Variants in CNTN6 observed in about 807,000 individuals in gnomAD.
CNTN6 encodes contactin 6.
In CNTN6, 137 loss-of-function variants were observed where a neutral mutation model predicts 122.8. The ratio of observed to expected loss-of-function variants is 1.12; its 90% CI spans 0.97 to 1.29. CNTN6 has a LOEUF of 1.29. CNTN6 is among the 50% of genes most tolerant of loss of function. The pLI is 0.00. For synonymous variants in CNTN6, 570 were observed against 426.0 expected (o/e 1.34, Z -4.16); for missense variants, 1,634 against 1,223.4 (o/e 1.34, Z -5.01).
At position 1,374,001 on chromosome 3, in the gene CNTN6, G is replaced by T. The variant is rs1444575291; in HGVS notation, c.2023G>T (p.Val675Phe). 6.2e-7 allele frequency: 1 copy of T among 1,613,166 alleles called. No individual in the cohort carries two copies. Among genetic ancestry groups the T allele is most frequent in the Non-Finnish European group, 8.5e-7 (1 of 1,179,438 alleles). Residue 675 changes from valine to phenylalanine, a missense_variant, in exon 16 of 23, where the codon GTT becomes TTT. Val to Phe is a conservative substitution (Grantham distance 50). Transcript: ENST00000446702. ...LSPWVEYEFR[V>F]VAGNSIGIGE... Reference sequence around the variant, plus strand: ...TCCTTGGGTGGAATATGAATTTCGTGTTGTTGCCGGCAACAGCATTGGGAT... The same window carrying T: ...TCCTTGGGTGGAATATGAATTTCGTTTTGTTGCCGGCAACAGCATTGGGAT...
At chr3:1,123,866 A>T (rs1427117956) in intron 1 of CNTN6, among the ~76,000 whole-genome samples, 2 of 151,850 alleles carry the variant, frequency 1.3e-5, no homozygotes, top group Non-Finnish European at 2.9e-5. Context: ...TTGTAGTCCT[A>T]GTTTTCTGAA....
chr3:1,134,158 C>T (rs9839345), intron 1 of CNTN6, among the ~76,000 whole-genome samples: 22,173 of 152,070 alleles, frequency 0.15, 1,834 homozygotes, highest in African/African-American at 0.21. Flanking sequence ...GCTTTTGATC[C>T]GTTACTTGAA....
At chr3:1,240,588 G>C (rs1468806445) in intron 4 of CNTN6, among the ~76,000 whole-genome samples, 1 of 151,808 alleles carries the variant, frequency 6.6e-6, no homozygotes. Flanking sequence ...ATGTAAACTA[G>C]TACAATCACT....
intron 20 of CNTN6, among the ~76,000 whole-genome samples, chr3:1,388,436 A>G (rs1054195305): frequency 1.4e-4 from 21 of 151,484 alleles, no homozygotes; most frequent in African/African-American, 5.1e-4. Flanking sequence ...AAAGACCAAA[A>G]GTAGATAAAA....
chr3:1,244,843 G>C (rs2094538437), intron 4 of CNTN6, among the ~76,000 whole-genome samples: 1 of 151,104 alleles, frequency 6.6e-6, no homozygotes, highest in East Asian at 2.0e-4. Flanking sequence ...ACATTCTCAA[G>C]GGTGGGGAGA....
chr3:1,336,683 C>A (rs1046963521), intron 11 of CNTN6, among the ~76,000 whole-genome samples: 1 of 152,066 alleles, frequency 6.6e-6, no homozygotes, highest in Non-Finnish European at 1.5e-5. Flanking sequence ...AATGCATGTA[C>A]CTTGTGGGAA....
chr3:1,302,196 C>A (rs755340909), intron 7 of CNTN6, among the ~76,000 whole-genome samples: 1 of 152,070 alleles, frequency 6.6e-6, no homozygotes, highest in African/African-American at 2.4e-5. Flanking sequence ...AAATCATATT[C>A]TCTAACATCT....
chr3:1,279,588 A>G (rs747165654), intron 5 of CNTN6, among the ~76,000 whole-genome samples: 5 of 152,338 alleles, frequency 3.3e-5, no homozygotes, highest in South Asian at 2.1e-4. Flanking sequence ...AATGAAGCCA[A>G]TATTCAAATC....
At chr3:1,318,419 A>G (rs79729709) in intron 7 of CNTN6, among the ~76,000 whole-genome samples, 1,695 of 151,928 alleles carry the variant, frequency 0.011, 31 homozygotes, top group African/African-American at 0.039. Flanking sequence ...AGAAATACTT[A>G]AGGTTTCCTA....
chr3:1,398,287 T>C (rs573552375), intron 20 of CNTN6, among the ~76,000 whole-genome samples: 14 of 152,254 alleles, frequency 9.2e-5, no homozygotes, highest in African/African-American at 3.4e-4. Flanking sequence ...TAAAGCAGCT[T>C]TCAGAAGTTT....
At chr3:1,146,009 A>T (rs997497003) in intron 1 of CNTN6, among the ~76,000 whole-genome samples, 2 of 151,218 alleles carry the variant, frequency 1.3e-5, no homozygotes, top group African/African-American at 4.9e-5. Context: ...CAGAGATCCA[A>T]TTTTTTTTTA....
intron 5 of CNTN6, among the ~76,000 whole-genome samples, chr3:1,293,472 G>A (rs1194338626): frequency 2.6e-5 from 4 of 152,188 alleles, no homozygotes; most frequent in East Asian, 3.9e-4. Flanking sequence ...ATTTAGTAAG[G>A]TTAGTGAAGA....
intron 17 of CNTN6, among the ~76,000 whole-genome samples, chr3:1,381,587 A>C (rs1691900086): frequency 6.6e-6 from 1 of 152,118 alleles, no homozygotes; most frequent in South Asian, 2.1e-4. Context: ...AACCATCAAC[A>C]ACCCCTCTGC....
intron 2 of CNTN6, among the ~76,000 whole-genome samples, chr3:1,196,685 A>G (rs2093783166): frequency 6.6e-6 from 1 of 152,236 alleles, no homozygotes; most frequent in African/African-American, 2.4e-5. Flanking sequence ...TAAATGCTTC[A>G]TACTCAATAA....
chr3:1,176,654 A>G (rs966502535), intron 2 of CNTN6, among the ~76,000 whole-genome samples: 6 of 152,220 alleles, frequency 3.9e-5, no homozygotes, highest in East Asian at 3.9e-4. Context: ...TACAGGTATC[A>G]TAACAAGCAT....
chr3:1,167,231 C>T (rs1390650113), intron 2 of CNTN6, among the ~76,000 whole-genome samples: 1 of 152,068 alleles, frequency 6.6e-6, no homozygotes, highest in Non-Finnish European at 1.5e-5. Context: ...AGCTACTGAA[C>T]CCCTCTCTGT....
chr3:1,140,917 TATC>T (rs1295078315), intron 1 of CNTN6, among the ~76,000 whole-genome samples: 2 of 152,178 alleles, frequency 1.3e-5, no homozygotes, highest in Non-Finnish European at 2.9e-5. Flanking sequence ...GCATAACAAT[TATC>T]ATAAGTGATA....
chr3:1,357,651 A>G (rs1171978899), intron 12 of CNTN6, among the ~76,000 whole-genome samples: 1 of 151,914 alleles, frequency 6.6e-6, no homozygotes, highest in Non-Finnish European at 1.5e-5. Context: ...TAAAAAATGC[A>G]TGAGACAATT....
intron 12 of CNTN6, among the ~76,000 whole-genome samples, chr3:1,356,932 G>A (rs899173229): frequency 5.3e-5 from 8 of 151,836 alleles, no homozygotes; most frequent in Non-Finnish European, 7.4e-5. Context: ...AAGTAAAAAT[G>A]TAAAAACAAG....
Sources: gnomAD v4.1 joint callset for allele counts (sites outside exome capture counted in the v4.1 genomes callset) on GRCh38, gnomAD v4.1.1 for gene constraint, MANE v1.5 for transcripts, NCBI Gene and HGNC (gene_info 2026-07-23, HGNC 2026-07-21) for gene names.